Variants in PCDH11X observed in about 807,000 individuals in gnomAD.
PCDH11X encodes protocadherin-11 X-linked.
In PCDH11X, 18 loss-of-function variants were observed where a neutral mutation model predicts 53.3. The observed-to-expected ratio is 0.34, with a 90% CI of 0.23 to 0.50. The LOEUF (loss-of-function observed/expected upper bound fraction) is 0.50, where lower values mean the gene tolerates loss of function less well. PCDH11X is among the 20% of genes least tolerant of loss of function. The pLI, the probability that PCDH11X is intolerant of heterozygous loss-of-function variation, is 0.98. For synonymous variants in PCDH11X, 279 were observed against 393.3 expected, an observed-to-expected ratio of 0.71 and a Z score of 3.44; for missense variants, 570 against 1,032.4, an observed-to-expected ratio of 0.55 and a Z score of 6.14.
intron 8 of PCDH11X, among the ~76,000 whole-genome samples, chrX:92,353,272 G>A (rs1475969506): frequency 1.8e-5 from 2 of 112,043 alleles, no homozygotes; most frequent in African/African-American, 6.5e-5. Flanking sequence ...GAACTCCATA[G>A]ATGATTTTCA....
chrX:92,560,581 T>C lies in PCDH11X; in HGVS notation c.3368-57683T>C, dbSNP rs952600386. Among the ~76,000 whole-genome samples the C allele has an allele frequency of 3.7e-4, 40 of 107,993 alleles. 1 individual carries two copies. Among genetic ancestry groups the C allele is most frequent in the African/African-American group, 1.3e-3 (39 of 29,125 alleles). The allele number at this position is 107,993 out of a possible 115,157, so 93.8% of individuals were successfully genotyped here. The stretch of plus-strand genomic sequence containing the variant: ...GAAGACCACTGCCCTGAAGACTGAG[T>C]GCTAGACCTGACAGCAGTCACCACA... On this transcript the variant is annotated intron_variant, in intron 10 of 10. Transcript: ENST00000682573.
intron 6 of PCDH11X, among the ~76,000 whole-genome samples, chrX:91,967,134 A>G (rs2061876920): frequency 9.1e-6 from 1 of 109,804 alleles, no homozygotes; most frequent in African/African-American, 3.3e-5. Context: ...TTCCAGCTTC[A>G]TCCAAGGAGA....
chrX:91,993,431 G>A (rs1358846188), intron 6 of PCDH11X, among the ~76,000 whole-genome samples: 1 of 112,051 alleles, frequency 8.9e-6, no homozygotes, highest in African/African-American at 3.2e-5. Context: ...TCACCTGTAA[G>A]GCTGTGTTTT....
At chrX:92,369,447 G>T (rs897157361) in intron 8 of PCDH11X, among the ~76,000 whole-genome samples, 1 of 111,824 alleles carries the variant, frequency 8.9e-6, no homozygotes, top group Non-Finnish European at 1.9e-5. Flanking sequence ...AGCTTGCTGG[G>T]CTCCGTGGGA....
intron 9 of PCDH11X, among the ~76,000 whole-genome samples, chrX:92,439,941 C>T (rs1226825409): frequency 1.2e-5 from 1 of 82,671 alleles, no homozygotes; most frequent in Non-Finnish European, 2.5e-5. Flanking sequence ...ATTTCAGAGC[C>T]GTTTTTACTT....
intron 6 of PCDH11X, among the ~76,000 whole-genome samples, chrX:91,925,713 A>T (rs1018250599): frequency 9.0e-6 from 1 of 110,846 alleles, no homozygotes; most frequent in African/African-American, 3.3e-5. Flanking sequence ...ATCATGTAGG[A>T]TTTACTCATA....
intron 6 of PCDH11X, among the ~76,000 whole-genome samples, chrX:92,133,613 G>T (rs1245501447): frequency 8.9e-6 from 1 of 112,102 alleles, no homozygotes; most frequent in Non-Finnish European, 1.9e-5. Context: ...TGATCACCCC[G>T]CCTCGGCCTC....
At chrX:92,073,198 C>G (rs1329382486) in intron 6 of PCDH11X, among the ~76,000 whole-genome samples, 1 of 111,871 alleles carries the variant, frequency 8.9e-6, no homozygotes, top group Admixed American at 9.5e-5. Context: ...ATCAGTGATT[C>G]AAGACTGTCT....
At chrX:92,473,366 G>A (rs1388873581) in intron 10 of PCDH11X, among the ~76,000 whole-genome samples, 1 of 111,024 alleles carries the variant, frequency 9.0e-6, no homozygotes, top group South Asian at 3.7e-4. Flanking sequence ...CTGGCTAAAG[G>A]CTTGTCAATT....
intron 6 of PCDH11X, among the ~76,000 whole-genome samples, chrX:91,947,944 C>T (rs2061595867): frequency 1.9e-5 from 2 of 103,986 alleles, no homozygotes; most frequent in African/African-American, 6.8e-5. Context: ...TGTTATGAGG[C>T]ATTCCATGCT....
intron 9 of PCDH11X, among the ~76,000 whole-genome samples, chrX:92,466,225 T>C (rs1254685962): frequency 9.0e-6 from 1 of 111,087 alleles, no homozygotes. Flanking sequence ...TCAGTCATAA[T>C]GATTCACATA....
chrX:92,151,540 T>C (rs748451070), intron 6 of PCDH11X, among the ~76,000 whole-genome samples: 4 of 111,949 alleles, frequency 3.6e-5, no homozygotes, highest in Non-Finnish European at 7.5e-5. Context: ...ACGTATTTTC[T>C]ACATTTATTG....
Position 92,550,637 on chromosome X carries a change from G to A in PCDH11X, c.3368-67627G>A, listed in dbSNP as rs897450091. Among the ~76,000 whole-genome samples, 13 of 104,375 alleles carry A rather than the reference G, an allele frequency of 1.2e-4. No individual in the cohort carries two copies. The Admixed American group carries it at 1.3e-3, about 10-fold the overall frequency. The allele number at this position is 104,375 out of a possible 115,157, so 90.6% of individuals were successfully genotyped here. A position where few individuals can be genotyped will look rare whatever the true frequency, so the allele number is the denominator to read the frequency against. The stretch of plus-strand genomic sequence containing the variant: ...TTAAATGTATAATTAAATTATTATC[G>A]ACTATAGTCATCCTGTTGTGCTATC... On this transcript the variant is annotated intron_variant, in intron 10 of 10. Transcript: ENST00000682573.
intron 9 of PCDH11X, among the ~76,000 whole-genome samples, chrX:92,389,841 T>A (rs1421467586): frequency 5.5e-5 from 6 of 109,551 alleles, no homozygotes; most frequent in African/African-American, 2.0e-4. Flanking sequence ...GGCTTTTTTT[T>A]TTAAAAAAAG....
intron 7 of PCDH11X, among the ~76,000 whole-genome samples, chrX:92,208,508 AATATATATATATAT>A (rs58212809): frequency 0.019 from 588 of 30,679 alleles, 48 homozygotes; most frequent in African/African-American, 0.082. Context: ...CCCTGAAACT[AATATATATATATAT>A]ATATATATAT....
chrX:92,146,721 T>C (rs1213156968), intron 6 of PCDH11X, among the ~76,000 whole-genome samples: 2 of 111,639 alleles, frequency 1.8e-5, no homozygotes, highest in Admixed American at 1.9e-4. Flanking sequence ...AAACATGGCC[T>C]AGTGCGGTGG....
intron 10 of PCDH11X, among the ~76,000 whole-genome samples, chrX:92,527,456 G>T (rs1358635084): frequency 9.0e-6 from 1 of 110,536 alleles, no homozygotes; most frequent in Non-Finnish European, 1.9e-5. Context: ...AAAGTATTAT[G>T]ATTTCAATTC....
intron 9 of PCDH11X, among the ~76,000 whole-genome samples, chrX:92,419,896 G>C (rs749460273): frequency 1.7e-4 from 18 of 108,886 alleles, no homozygotes; most frequent in Non-Finnish European, 3.4e-4. Context: ...TAGCCCAGGT[G>C]GTCTTGATCT....
intron 8 of PCDH11X, among the ~76,000 whole-genome samples, chrX:92,330,653 C>T (rs906971402): frequency 6.3e-5 from 7 of 111,279 alleles, no homozygotes; most frequent in African/African-American, 2.0e-4. Context: ...AGTCTAGGCA[C>T]ATCCCAAGTG....
Sources: allele counts gnomAD v4.1 joint callset (sites outside exome capture counted in the v4.1 genomes callset), GRCh38; gene constraint gnomAD v4.1.1; transcripts MANE v1.5; gene names NCBI Gene and HGNC (gene_info 2026-07-23, HGNC 2026-07-21).